The following SAMD12 variants were observed in gnomAD, a reference collection of about 807,000 sequenced individuals.
The protein encoded by SAMD12 is sterile alpha motif domain-containing protein 12.
A neutral mutation model predicts 15.0 loss-of-function variants in SAMD12; 9 were observed. That is an observed-to-expected ratio of 0.60 (90% confidence interval 0.36 to 1.05). The LOEUF (loss-of-function observed/expected upper bound fraction) is 1.05, where lower values mean the gene tolerates loss of function less well. Ranked by LOEUF, SAMD12 falls within the 50% of genes least tolerant of loss-of-function variation. The probability of loss-of-function intolerance (pLI) is 0.01; values close to 1 mark genes in which losing one functional copy is unlikely to be tolerated. For synonymous variants in SAMD12, 86 were observed against 90.1 expected (o/e 0.96, Z 0.25); for missense variants, 230 against 234.2 (o/e 0.98, Z 0.12).
intron 2 of SAMD12, among the ~76,000 whole-genome samples, chr8:118,575,549 A>G (rs781446690): frequency 1.3e-5 from 2 of 152,214 alleles, no homozygotes; most frequent in Non-Finnish European, 2.9e-5. Context: ...CCAGATTATT[A>G]GCCAGAAACT....
At chr8:118,430,846 C>T (rs1001607261) in intron 3 of SAMD12, among the ~76,000 whole-genome samples, 1 of 152,146 alleles carries the variant, frequency 6.6e-6, no homozygotes, top group Non-Finnish European at 1.5e-5. Context: ...TGCCCCTAAT[C>T]TGACAATCTC....
At chr8:118,465,175 G>T (rs1009534621) in intron 2 of SAMD12, among the ~76,000 whole-genome samples, 1 of 152,122 alleles carries the variant, frequency 6.6e-6, no homozygotes, top group Non-Finnish European at 1.5e-5. Context: ...TGGGTAGGGT[G>T]GGGGAAGAGG....
chr8:118,605,076 T>G (rs1827953795), intron 1 of SAMD12, among the ~76,000 whole-genome samples: 1 of 152,224 alleles, frequency 6.6e-6, no homozygotes, highest in African/African-American at 2.4e-5. Flanking sequence ...AGATACTGTC[T>G]TTATATTGCA....
chr8:118,591,221 T>C (rs1405635242), intron 1 of SAMD12, among the ~76,000 whole-genome samples: 1 of 43,840 alleles, frequency 2.3e-5, no homozygotes, highest in Non-Finnish European at 4.6e-5. Flanking sequence ...GCACTAGATA[T>C]ATTTTATTTT....
At chr8:118,530,242 G>C (rs1311373074) in intron 2 of SAMD12, among the ~76,000 whole-genome samples, 1 of 152,162 alleles carries the variant, frequency 6.6e-6, no homozygotes, top group African/African-American at 2.4e-5. Flanking sequence ...TTAGGTTCCA[G>C]AGGTACATGT....
the SAMD12 span, among the ~76,000 whole-genome samples, chr8:118,162,687 T>C: frequency 2.0e-5 from 3 of 152,178 alleles, no homozygotes; most frequent in South Asian, 4.1e-4. Flanking sequence ...TGTAAACAGA[T>C]GAGCTTGCTA....
intron 2 of SAMD12, among the ~76,000 whole-genome samples, chr8:118,570,967 C>T (rs1042787009): frequency 6.6e-5 from 10 of 152,208 alleles, no homozygotes; most frequent in Non-Finnish European, 8.8e-5. Context: ...TTCCTCCTTA[C>T]CTTCCGCCAT....
intron 2 of SAMD12, among the ~76,000 whole-genome samples, chr8:118,564,654 C>G (rs1202999712): frequency 1.3e-5 from 2 of 152,184 alleles, no homozygotes; most frequent in Non-Finnish European, 2.9e-5. Context: ...AAGATTCCTG[C>G]CTATGAAGTG....
At chr8:118,554,536 G>A (rs916043869) in intron 2 of SAMD12, among the ~76,000 whole-genome samples, 12 of 131,822 alleles carry the variant, frequency 9.1e-5, no homozygotes, top group Non-Finnish European at 1.6e-4. Flanking sequence ...ACTGCTGTGG[G>A]GTTGGGGGAG....
In SAMD12 at chr8:118,300,421, A is replaced by G. The variant is rs189975920; in HGVS notation, c.433+79139T>C. 1.4e-3 allele frequency among the ~76,000 whole-genome samples: 212 copies of G among 152,298 alleles called. 1 individual carries two copies. The highest frequency in any genetic ancestry group is 4.8e-3 in the African/African-American group (200 of 41,572). ...TCCATCTTGACAAGTTGCCATCTTC[A>G]ATACATGGCCTTCAGAGGTGCCCAG... is the stretch of plus-strand genomic sequence containing the variant. On this transcript the variant is annotated intron_variant, in intron 4 of 4. Coordinates refer to the SAMD12 transcript ENST00000409003.
exon 5 of SAMD12, chr8:118,189,534 G>A (rs1819301951): frequency 6.6e-6 from 1 of 152,110 alleles, no homozygotes; most frequent in South Asian, 2.1e-4. Context: ...ATACAAAATA[G>A]TCAAATATAC....
intron 2 of SAMD12, among the ~76,000 whole-genome samples, chr8:118,527,232 A>C (rs1252738581): frequency 2.0e-5 from 3 of 152,188 alleles, no homozygotes; most frequent in Admixed American, 1.3e-4. Context: ...TACTCTCCTC[A>C]GAGCTGCCAA....
intron 4 of SAMD12, among the ~76,000 whole-genome samples, chr8:118,342,625 GAAAAAC>G (rs1381629885): frequency 6.6e-6 from 1 of 152,102 alleles, no homozygotes; most frequent in African/African-American, 2.4e-5. Flanking sequence ...CCAAAGGAAA[GAAAAAC>G]AAAAAGAATC....
chr8:118,591,156 CTT>C (rs1827577011), intron 1 of SAMD12, among the ~76,000 whole-genome samples: 1 of 152,120 alleles, frequency 6.6e-6, no homozygotes, highest in Admixed American at 6.6e-5. Context: ...AAAATATGTA[CTT>C]TTATGGTATA....
intron 1 of SAMD12, among the ~76,000 whole-genome samples, chr8:118,606,961 A>C (rs148763044): frequency 1.3e-5 from 2 of 152,198 alleles, no homozygotes; most frequent in East Asian, 3.9e-4. Flanking sequence ...GAGTACCCTC[A>C]TGGTACCACC....
At chr8:118,432,648 G>C (rs544449464) in intron 3 of SAMD12, among the ~76,000 whole-genome samples, 1 of 152,270 alleles carries the variant, frequency 6.6e-6, no homozygotes, top group South Asian at 2.1e-4. Flanking sequence ...ACTCAACCCA[G>C]ATGAAGAGAA....
At chr8:118,322,532 C>T (rs943114973) in intron 4 of SAMD12, among the ~76,000 whole-genome samples, 1 of 152,204 alleles carries the variant, frequency 6.6e-6, no homozygotes, top group African/African-American at 2.4e-5. Flanking sequence ...ACATTACTTA[C>T]ATTAAAATGT....
At chr8:118,543,412 T>TA (rs1826037099) in intron 2 of SAMD12, among the ~76,000 whole-genome samples, 1 of 152,126 alleles carries the variant, frequency 6.6e-6, no homozygotes, top group African/African-American at 2.4e-5. Flanking sequence ...TTTCAAAGCC[T>TA]AAAGTGATCA....
rs1358892997 is a variant in SAMD12 at position 118,202,549 on chromosome 8, TG to T, written c.434-4818del. On this transcript the variant is annotated intron_variant, in intron 4 of 4. Transcript: ENST00000409003. ...TTGGCAAAAGGTTCAATAACAGATC[TG>T]GGATGGATTATGTCCCGCCCCACCT... Among the ~76,000 whole-genome samples, 3 of 152,284 alleles carry T rather than the reference TG, an allele frequency of 2.0e-5. No individual in the cohort carries two copies. In the South Asian group the frequency reaches 6.2e-4, roughly 32 times the overall value.
Sources: allele counts gnomAD v4.1 joint callset (sites outside exome capture counted in the v4.1 genomes callset), GRCh38; gene constraint gnomAD v4.1.1; transcripts MANE v1.5; gene names NCBI Gene and HGNC (gene_info 2026-07-23, HGNC 2026-07-21).